Variants in PCSK5 observed in about 807,000 individuals in gnomAD.
The protein encoded by PCSK5 is proprotein convertase subtilisin/kexin type 5.
A neutral mutation model predicts 233.2 loss-of-function variants in PCSK5; 129 were observed. That is an observed-to-expected ratio of 0.55 (90% confidence interval 0.48 to 0.64). PCSK5 has a LOEUF of 0.64. Among genes scored for constraint, PCSK5 ranks in the 30% least tolerant of loss-of-function variants. The probability of loss-of-function intolerance (pLI) is 0.00; values close to 1 mark genes in which losing one functional copy is unlikely to be tolerated. For missense variants in PCSK5, 2,076 were observed against 2,430.1 expected (o/e 0.85, Z 3.06); for synonymous variants, 825 against 879.2 (o/e 0.94, Z 1.09).
intron 3 of PCSK5, among the ~76,000 whole-genome samples, chr9:76,019,598 A>G (rs1047681204): frequency 2.0e-5 from 3 of 152,030 alleles, no homozygotes; most frequent in South Asian, 4.1e-4. Flanking sequence ...AGCACCTCCC[A>G]CCTCAGTCTT....
Position 76,001,387 on chromosome 9 carries a change from C to T in PCSK5, c.411+15142C>T, listed in dbSNP as rs551831858. Among the ~76,000 whole-genome samples the T allele has an allele frequency of 6.0e-5, 9 of 149,800 alleles. No individual in the cohort carries two copies. The South Asian group carries it at 1.9e-3, about 32-fold the overall frequency. Reference sequence around the variant, plus strand: ...ACTCTCATGCTGCCCAGAATCTTCTCAAGATGAGCTATCTTTAGTCCTCCA... The same window carrying T: ...ACTCTCATGCTGCCCAGAATCTTCTTAAGATGAGCTATCTTTAGTCCTCCA... On this transcript the variant is annotated intron_variant, in intron 3 of 37. Transcript: ENST00000674117.
chr9:76,338,266 G>A lies in PCSK5; in HGVS notation c.4785G>A (p.Arg1595=), dbSNP rs1829733179. The A allele has an allele frequency of 6.2e-7, 1 of 1,612,566 alleles. No individual in the cohort carries two copies. Among genetic ancestry groups the A allele is most frequent in the Non-Finnish European group, 8.5e-7 (1 of 1,179,674 alleles). ...ACAACTCCACTGGCCGGTGTGAGAGGTGCAACAGGAGCTGCAAGGGGTGCC... is the reference window on the plus strand; with the variant it reads ...ACAACTCCACTGGCCGGTGTGAGAGATGCAACAGGAGCTGCAAGGGGTGCC... The part of the protein sequence containing the change: ...YADNSTGRCE[R]CNRSCKGCQG... The change falls in exon 35 of 38, where the codon AGG becomes AGA. Residue 1595 remains arginine (R), a synonymous_variant. Transcript: ENST00000674117.
At chr9:76,101,371 A>G (rs1307110849) in intron 8 of PCSK5, among the ~76,000 whole-genome samples, 1 of 152,220 alleles carries the variant, frequency 6.6e-6, no homozygotes, top group African/African-American at 2.4e-5. Context: ...TATTTAGCAT[A>G]GAAAATTGCC....
rs777878908 is a variant in PCSK5, at chr9:76,095,910, T to A, written c.915T>A (p.Ser305=). 1.9e-5 allele frequency: 31 copies of A among 1,614,042 alleles called. No homozygotes were observed. The Admixed American group carries it at 4.0e-4, about 21-fold the overall frequency. The change falls in exon 8 of 38, where the codon TCT becomes TCA. Residue 305 remains serine (S), a synonymous_variant. Transcript: ENST00000674117. ...AACAGGGGCGGAGAGGCCTCGGCTC[T>A]GTGTTTGTTTGGGCATCTGGAAATG... ...GVRMGRRGLG[S]VFVWASGNGG...
chr9:76,126,064 A>G lies in PCSK5; in HGVS notation c.1209-8045A>G, dbSNP rs186565261. On this transcript the variant is annotated intron_variant, in intron 9 of 37. Transcript: ENST00000674117. ...TAATAGAGGGAGACAATGAAAAAGA[A>G]AGTTAAAAATTATTTTCCTCATAGT... Among the ~76,000 whole-genome samples the G allele has an allele frequency of 2.9e-3, 439 of 152,318 alleles. 4 individuals are homozygous for G. Among genetic ancestry groups the G allele is most frequent in the African/African-American group, 0.01 (416 of 41,562 alleles).
chr9:76,234,415 G>A (rs1453789422), intron 22 of PCSK5, among the ~76,000 whole-genome samples: 1 of 152,184 alleles, frequency 6.6e-6, no homozygotes, highest in Non-Finnish European at 1.5e-5. Context: ...TCCTGAGGCT[G>A]TCAGTTACCA....
At chr9:76,130,596 C>T (rs1371255452) in intron 9 of PCSK5, among the ~76,000 whole-genome samples, 2 of 152,152 alleles carry the variant, frequency 1.3e-5, no homozygotes, top group Non-Finnish European at 2.9e-5. Flanking sequence ...CACTGCCTGG[C>T]CCTGGCCAAG....
chr9:76,237,988 A>C (rs765627387), intron 22 of PCSK5, among the ~76,000 whole-genome samples: 4 of 152,176 alleles, frequency 2.6e-5, no homozygotes, highest in Non-Finnish European at 5.9e-5. Flanking sequence ...TGCATCTTGA[A>C]GGTCAATGAT....
At chr9:76,114,796 C>T (rs1322071816) in intron 9 of PCSK5, among the ~76,000 whole-genome samples, 1 of 152,128 alleles carries the variant, frequency 6.6e-6, no homozygotes, top group African/African-American at 2.4e-5. Context: ...GTTGCAATCA[C>T]CAGACCTTTT....
At chr9:76,100,632 T>C (rs145162615) in intron 8 of PCSK5, among the ~76,000 whole-genome samples, 58 of 152,362 alleles carry the variant, frequency 3.8e-4, no homozygotes, top group African/African-American at 1.3e-3. Context: ...GGATATCCAG[T>C]ATGGGGCTAT....
intron 32 of PCSK5, among the ~76,000 whole-genome samples, chr9:76,325,819 T>A (rs762730587): frequency 6.6e-6 from 1 of 152,128 alleles, no homozygotes; most frequent in Non-Finnish European, 1.5e-5. Flanking sequence ...GTATTTTTAG[T>A]AGAGACAGAG....
intron 10 of PCSK5, among the ~76,000 whole-genome samples, chr9:76,137,060 C>G (rs1044628311): frequency 6.6e-6 from 1 of 152,116 alleles, no homozygotes; most frequent in Non-Finnish European, 1.5e-5. Context: ...GTGAGCTAGA[C>G]TTGTGTGCAG....
At chr9:75,945,144 T>A (rs896469386) in intron 2 of PCSK5, among the ~76,000 whole-genome samples, 2 of 150,346 alleles carry the variant, frequency 1.3e-5, no homozygotes, top group South Asian at 4.2e-4. Flanking sequence ...ATAAAACATA[T>A]AAAAATATAA....
intron 7 of PCSK5, among the ~76,000 whole-genome samples, chr9:76,079,230 A>G (rs191455738): frequency 6.6e-6 from 1 of 151,530 alleles, no homozygotes. Context: ...CAGACTCCCA[A>G]GTAGCTGGGA....
At chr9:76,064,227 G>T (rs1363733252) in intron 5 of PCSK5, among the ~76,000 whole-genome samples, 1 of 106,024 alleles carries the variant, frequency 9.4e-6, no homozygotes, top group Non-Finnish European at 1.8e-5. Flanking sequence ...CTGGCCGGGT[G>T]GGGGGCTGAC....
intron 21 of PCSK5, among the ~76,000 whole-genome samples, chr9:76,229,988 G>A (rs1016016596): frequency 4.1e-4 from 62 of 152,322 alleles, no homozygotes; most frequent in African/African-American, 1.5e-3. Flanking sequence ...TGGATGACTG[G>A]TGGTCCCAGA....
intron 36 of PCSK5, among the ~76,000 whole-genome samples, chr9:76,353,379 G>A (rs978799900): frequency 8.5e-5 from 13 of 152,100 alleles, no homozygotes; most frequent in South Asian, 2.1e-4. Flanking sequence ...ATTATTCTGC[G>A]GGCAGACCAC....
chr9:76,018,052 G>T (rs1225715503), intron 3 of PCSK5, among the ~76,000 whole-genome samples: 1 of 147,250 alleles, frequency 6.8e-6, no homozygotes, highest in Non-Finnish European at 1.5e-5. Flanking sequence ...GTCTGAAACT[G>T]CAAAGGGGAG....
chr9:75,896,633 C>T (rs1210001148), intron 1 of PCSK5, among the ~76,000 whole-genome samples: 1 of 152,150 alleles, frequency 6.6e-6, no homozygotes, highest in African/African-American at 2.4e-5. Flanking sequence ...TGATCAATGA[C>T]AGAAAAGCTG....
Sources: gnomAD v4.1 joint callset for allele counts (sites outside exome capture counted in the v4.1 genomes callset) on GRCh38, gnomAD v4.1.1 for gene constraint, MANE v1.5 for transcripts, NCBI Gene and HGNC (gene_info 2026-07-23, HGNC 2026-07-21) for gene names.